Variants in GAS2 observed in about 807,000 individuals in gnomAD.
GAS2 encodes growth arrest specific 2.
GAS2 carries 20 observed loss-of-function variants against 37.5 expected under a neutral mutation model. The observed-to-expected ratio is 0.53, with a 90% CI of 0.37 to 0.77. The LOEUF (loss-of-function observed/expected upper bound fraction) is 0.77, where lower values mean the gene tolerates loss of function less well. Ranked by LOEUF, GAS2 falls within the 30% of genes least tolerant of loss-of-function variation. The pLI is 0.00. For missense variants in GAS2, 336 were observed against 373.4 expected, an observed-to-expected ratio of 0.90 and a Z score of 0.82; for synonymous variants, 144 against 132.2, an observed-to-expected ratio of 1.09 and a Z score of -0.61.
intron 5 of GAS2, among the ~76,000 whole-genome samples, chr11:22,744,461 G>A (rs966216995): frequency 3.3e-5 from 5 of 151,930 alleles, no homozygotes; most frequent in African/African-American, 1.2e-4. Flanking sequence ...TGATCCAGTA[G>A]GTTTTATTCC....
chr11:22,693,262 T>G (rs1051995756), intron 3 of GAS2, among the ~76,000 whole-genome samples: 3 of 152,304 alleles, frequency 2.0e-5, no homozygotes, highest in Admixed American at 6.5e-5. Context: ...AATTTTCTAC[T>G]TATAAGAATA....
intron 3 of GAS2, among the ~76,000 whole-genome samples, chr11:22,705,607 AC>A (rs1473285892): frequency 6.6e-6 from 1 of 152,190 alleles, no homozygotes; most frequent in Admixed American, 6.6e-5. Context: ...AGTGATACCC[AC>A]CAGTGGTTCT....
intron 5 of GAS2, among the ~76,000 whole-genome samples, chr11:22,739,150 G>A (rs1852914268): frequency 6.6e-6 from 1 of 152,112 alleles, no homozygotes; most frequent in South Asian, 2.1e-4. Context: ...TGAAGGAGCA[G>A]GATAAAGATA....
At position 22,626,020 on chromosome 11, in the gene GAS2, T is replaced by C. The variant is rs1858647222; in HGVS notation, c.-21+207T>C. ...TTTCGCCACACAAAGAGGTTCTTCTTAGTGGAGGGAGAGCAGATGTAGGGC... is the reference window on the plus strand; with the variant it reads ...TTTCGCCACACAAAGAGGTTCTTCTCAGTGGAGGGAGAGCAGATGTAGGGC... On this transcript the variant is annotated intron_variant, in intron 1 of 5. Transcript: ENST00000528582. The C allele has an allele frequency of 4.7e-6, 3 of 633,908 alleles. No homozygotes were observed. The Admixed American group carries it at 7.1e-5, about 15-fold the overall frequency. The allele number at this position is 633,908 out of a possible 1,614,324, so 39.3% of individuals were successfully genotyped here. A position where few individuals can be genotyped will look rare whatever the true frequency, so the allele number is the denominator to read the frequency against.
chr11:22,664,763 T>A (rs1303692492), upstream of GAS2, among the ~76,000 whole-genome samples: 1 of 152,008 alleles, frequency 6.6e-6, no homozygotes, highest in Non-Finnish European at 1.5e-5. Flanking sequence ...ATATTGATTT[T>A]GAAAAACAAG....
At chr11:22,684,760 G>T (rs1849857726) in intron 2 of GAS2, among the ~76,000 whole-genome samples, 1 of 152,040 alleles carries the variant, frequency 6.6e-6, no homozygotes, top group African/African-American at 2.4e-5. Flanking sequence ...TAGAAATGGG[G>T]TTTCACCATG....
intron 1 of GAS2, chr11:22,626,760 G>A (rs1246629788): frequency 6.6e-6 from 1 of 152,152 alleles, no homozygotes; most frequent in Admixed American, 6.5e-5. Context: ...GTGGGGGAAG[G>A]TGTTTTGTTT....
chr11:22,811,677 G>C (rs1564899358), intron 7 of GAS2, 121 bp from the exon 8 acceptor site: 4 of 913,770 alleles, frequency 4.4e-6, no homozygotes, highest in Non-Finnish European at 6.8e-6. Flanking sequence ...TTTGCACCAA[G>C]TAGAAAAACA....
chr11:22,693,642 A>G (rs1215326728), intron 3 of GAS2, among the ~76,000 whole-genome samples: 2 of 152,236 alleles, frequency 1.3e-5, no homozygotes, highest in African/African-American at 4.8e-5. Flanking sequence ...AGGTAAAACT[A>G]TAAAAATAAC....
chr11:22,688,929 C>A (rs371477677), intron 3 of GAS2, among the ~76,000 whole-genome samples: 2 of 152,102 alleles, frequency 1.3e-5, no homozygotes, highest in East Asian at 3.8e-4. Flanking sequence ...AAAATATGGT[C>A]CCTATATACC....
chr11:22,802,010 T>TA (rs199905124), intron 7 of GAS2, among the ~76,000 whole-genome samples: 122 of 147,366 alleles, frequency 8.3e-4, no homozygotes, highest in South Asian at 4.1e-3. Context: ...AGAGAAAATA[T>TA]AAAAAAAAAA....
At chr11:22,770,269 C>G (rs887914481) in intron 7 of GAS2, among the ~76,000 whole-genome samples, 1 of 152,094 alleles carries the variant, frequency 6.6e-6, no homozygotes, top group Non-Finnish European at 1.5e-5. Flanking sequence ...ACCTATGTAA[C>G]AAACCTGCAC....
chr11:22,807,002 G>A (rs1232916545), intron 7 of GAS2, among the ~76,000 whole-genome samples: 3 of 152,222 alleles, frequency 2.0e-5, no homozygotes, highest in Non-Finnish European at 2.9e-5. Context: ...CATGAATCAT[G>A]GATGCTTACA....
chr11:22,733,517 A>G (rs1852590624), intron 4 of GAS2, among the ~76,000 whole-genome samples: 1 of 151,704 alleles, frequency 6.6e-6, no homozygotes, highest in Admixed American at 6.6e-5. Flanking sequence ...AACTTAATAT[A>G]TTTAACTAAA....
intron 2 of GAS2, among the ~76,000 whole-genome samples, chr11:22,675,716 T>G (rs1347748704): frequency 6.6e-6 from 1 of 152,166 alleles, no homozygotes; most frequent in Non-Finnish European, 1.5e-5. Context: ...AAGTTTTTTA[T>G]AGAGAATAAA....
intron 7 of GAS2, among the ~76,000 whole-genome samples, chr11:22,810,342 TC>T (rs34068844): frequency 0.31 from 46,937 of 151,952 alleles, 8,825 homozygotes; most frequent in Non-Finnish European, 0.41. Flanking sequence ...AAGTTTCAGC[TC>T]CTTGATACTA....
chr11:22,656,085 G>A (rs937556126), intron 1 of GAS2, among the ~76,000 whole-genome samples: 7 of 152,044 alleles, frequency 4.6e-5, no homozygotes, highest in Non-Finnish European at 8.8e-5. Context: ...CATGAACAAA[G>A]GACTAAAATG....
intron 7 of GAS2, among the ~76,000 whole-genome samples, chr11:22,785,876 CAT>C (rs1446353599): frequency 6.6e-6 from 1 of 152,066 alleles, no homozygotes; most frequent in Admixed American, 6.6e-5. Context: ...AAGATGTCAA[CAT>C]ATTGGCACAT....
At chr11:22,751,254 CT>C (rs1853710715) in intron 6 of GAS2, among the ~76,000 whole-genome samples, 1 of 151,964 alleles carries the variant, frequency 6.6e-6, no homozygotes, top group Non-Finnish European at 1.5e-5. Flanking sequence ...CACTATACTT[CT>C]GCCTACTCAC....
Sources: gnomAD v4.1 joint callset for allele counts (sites outside exome capture counted in the v4.1 genomes callset) on GRCh38, gnomAD v4.1.1 for gene constraint, MANE v1.5 for transcripts, NCBI Gene and HGNC (gene_info 2026-07-23, HGNC 2026-07-21) for gene names.